FOXP1: variants seen among roughly 807,000 people sequenced by gnomAD.
FOXP1 encodes forkhead box protein P1.
Under a neutral mutation model 98.2 loss-of-function variants are expected in FOXP1, and 15 were observed. That is an observed-to-expected ratio of 0.15 (90% CI 0.10 to 0.24). FOXP1 has a LOEUF of 0.24. Ranked by LOEUF, FOXP1 falls within the 10% of genes least tolerant of loss-of-function variation. FOXP1 has a pLI of 1.00. For missense variants in FOXP1, 633 were observed against 848.5 expected (o/e 0.75, Z 3.15); for synonymous variants, 371 against 314.5 (o/e 1.18, Z -1.90).
intron 6 of FOXP1, among the ~76,000 whole-genome samples, chr3:71,152,708 T>C (rs1333648391): frequency 6.6e-6 from 1 of 152,152 alleles, no homozygotes; most frequent in Non-Finnish European, 1.5e-5. Flanking sequence ...ATAACACCAG[T>C]GCTTACCCCA....
chr3:71,140,193 A>G (rs889223781), intron 6 of FOXP1, among the ~76,000 whole-genome samples: 3 of 152,172 alleles, frequency 2.0e-5, no homozygotes, highest in Admixed American at 2.0e-4. Context: ...TACACATGGT[A>G]AGATATCTTA....
At chr3:71,152,983 G>A (rs1357435927) in intron 6 of FOXP1, among the ~76,000 whole-genome samples, 1 of 152,170 alleles carries the variant, frequency 6.6e-6, no homozygotes, top group Non-Finnish European at 1.5e-5. Flanking sequence ...CCCCACCCAT[G>A]TGTACGGCAG....
intron 5 of FOXP1, among the ~76,000 whole-genome samples, chr3:71,265,627 T>G (rs907057652): frequency 6.6e-6 from 1 of 152,120 alleles, no homozygotes; most frequent in African/African-American, 2.4e-5. Context: ...ACAGAAAACA[T>G]GCAACACGGC....
intron 3 of FOXP1, among the ~76,000 whole-genome samples, chr3:71,427,937 G>C (rs557447725): frequency 6.6e-6 from 1 of 152,284 alleles, no homozygotes; most frequent in South Asian, 2.1e-4. Flanking sequence ...ATATCTTCCA[G>C]GAACCTGAAA....
intron 4 of FOXP1, among the ~76,000 whole-genome samples, chr3:71,330,981 G>A (rs536084336): frequency 2.0e-3 from 301 of 152,350 alleles, no homozygotes; most frequent in Admixed American, 4.4e-3. Flanking sequence ...GGCAGCCCTC[G>A]CAGCCCTCGC....
rs1020603149 is a variant in FOXP1, at chr3:70,959,087, G to A, written c.*160C>T. The stretch of plus-strand genomic sequence containing the variant: ...AAAAATACTCCCAAATGGGGTTCTT[G>A]ATGGCACTAAGAGTTAACACATTTC... On this transcript the variant is annotated 3_prime_UTR_variant, in exon 21 of 21. Coordinates refer to ENST00000649528, the MANE Select transcript of FOXP1 (RefSeq NM_001349338.3). 2.5e-6 allele frequency: 2 copies of A among 784,504 alleles called. No individual in the cohort carries two copies. The highest frequency in any genetic ancestry group is 4.1e-6 in the Non-Finnish European group (2 of 486,490). The allele number at this position is 784,504 out of a possible 1,614,324, so 48.6% of individuals were successfully genotyped here.
At chr3:71,180,759 C>CA (rs1261973154) in intron 6 of FOXP1, among the ~76,000 whole-genome samples, 1 of 152,058 alleles carries the variant, frequency 6.6e-6, no homozygotes, top group Non-Finnish European at 1.5e-5. Flanking sequence ...TGCGTAATGC[C>CA]AGTAAAAGTT....
chr3:71,014,384 T>C (rs1017655726), intron 12 of FOXP1, among the ~76,000 whole-genome samples: 6 of 151,998 alleles, frequency 3.9e-5, no homozygotes, highest in African/African-American at 1.5e-4. Context: ...AACAGACACA[T>C]GAAAAAATGC....
chr3:71,043,527 C>G (rs996761331), intron 10 of FOXP1, among the ~76,000 whole-genome samples: 1 of 152,164 alleles, frequency 6.6e-6, no homozygotes, highest in Non-Finnish European at 1.5e-5. Context: ...ATGGGTGACC[C>G]TCAGACCACT....
intron 2 of FOXP1, among the ~76,000 whole-genome samples, chr3:71,494,837 C>T (rs926445447): frequency 6.6e-6 from 1 of 151,832 alleles, no homozygotes; most frequent in Non-Finnish European, 1.5e-5. Context: ...ATTCTCCAAG[C>T]CTCCAAGCAG....
chr3:71,583,559 A>C lies in FOXP1; in HGVS notation c.-447+12T>G. On this transcript the variant is annotated intron_variant, in intron 1 of 20. Coordinates refer to ENST00000649528, the MANE Select transcript of FOXP1 (RefSeq NM_001349338.3). ...GAAAAAGTGGAGCAGAAATGGAAAA[A>C]TACAAACTCACCCGCTGCAAATGGT... The C allele has an allele frequency of 1.0e-6, 1 of 983,530 alleles. No homozygotes were observed. The highest frequency in any genetic ancestry group is 1.2e-6 in the Non-Finnish European group (1 of 829,538). 60.9% of individuals were successfully genotyped at this position (983,530 alleles called of 1,614,324 possible).
chr3:71,144,266 T>C (rs1040726822), intron 6 of FOXP1, among the ~76,000 whole-genome samples: 4 of 152,068 alleles, frequency 2.6e-5, no homozygotes, highest in Admixed American at 6.6e-5. Flanking sequence ...TCCTCACTAG[T>C]GTATGTACTG....
At chr3:71,225,294 C>T (rs573920434) in intron 5 of FOXP1, among the ~76,000 whole-genome samples, 2 of 152,334 alleles carry the variant, frequency 1.3e-5, no homozygotes, top group South Asian at 2.1e-4. Context: ...CAGCAGTGAG[C>T]TCTCTATTTA....
intron 5 of FOXP1, among the ~76,000 whole-genome samples, chr3:71,204,634 C>T (rs781146464): frequency 2.0e-4 from 31 of 152,234 alleles, no homozygotes; most frequent in South Asian, 4.1e-4. Flanking sequence ...AGATGAGGCA[C>T]TGACTGGTGG....
chr3:71,421,016 TATA>T (rs1481017707), intron 3 of FOXP1, among the ~76,000 whole-genome samples: 2 of 152,164 alleles, frequency 1.3e-5, no homozygotes, highest in Non-Finnish European at 2.9e-5. Context: ...TCTCAAGCTC[TATA>T]ATGTCAGAAC....
chr3:71,370,936 G>C (rs1042326436), intron 3 of FOXP1, among the ~76,000 whole-genome samples: 2 of 151,612 alleles, frequency 1.3e-5, no homozygotes, highest in African/African-American at 4.8e-5. Context: ...CAAGTAACTG[G>C]GACTACAGGC....
intron 6 of FOXP1, among the ~76,000 whole-genome samples, chr3:71,174,781 T>C (rs1379616936): frequency 3.4e-5 from 3 of 89,120 alleles, no homozygotes; most frequent in Admixed American, 1.2e-4. Flanking sequence ...TGTATGCACA[T>C]GCATACACAC....
chr3:71,105,711 A>G (rs1267314437), intron 7 of FOXP1, among the ~76,000 whole-genome samples: 1 of 152,108 alleles, frequency 6.6e-6, no homozygotes. Context: ...AATAAGAAAT[A>G]ACTTTGCTTT....
At chr3:71,419,701 C>T (rs149654389) in intron 3 of FOXP1, among the ~76,000 whole-genome samples, 263 of 152,186 alleles carry the variant, frequency 1.7e-3, no homozygotes, top group African/African-American at 6.2e-3. Flanking sequence ...GCAAGTACCC[C>T]GGGTGGTAAG....
Sources: gnomAD v4.1 joint callset for allele counts (sites outside exome capture counted in the v4.1 genomes callset) on GRCh38, gnomAD v4.1.1 for gene constraint, MANE v1.5 for transcripts, NCBI Gene and HGNC (gene_info 2026-07-23, HGNC 2026-07-21) for gene names.